KCNN2: variants seen among roughly 807,000 people sequenced by gnomAD.
KCNN2 encodes potassium calcium-activated channel subfamily N member 2.
In KCNN2, 24 loss-of-function variants were observed where a neutral mutation model predicts 55.5. The ratio of observed to expected loss-of-function variants is 0.43; its 90% CI spans 0.31 to 0.61. KCNN2 has a LOEUF of 0.61. KCNN2 is among the 20% of genes least tolerant of loss of function. The pLI is 0.08. For missense variants in KCNN2, 754 were observed against 853.6 expected (o/e 0.88, Z 1.45); for synonymous variants, 431 against 336.1 (o/e 1.28, Z -3.09).
chr5:114,449,721 G>T (rs1760568693), intron 3 of KCNN2, among the ~76,000 whole-genome samples: 1 of 152,062 alleles, frequency 6.6e-6, no homozygotes, highest in African/African-American at 2.4e-5. Context: ...ACATTGCCTA[G>T]TTAAAAATAT....
intron 2 of KCNN2, among the ~76,000 whole-genome samples, chr5:114,271,037 G>A (rs1047673451): frequency 6.6e-6 from 1 of 152,120 alleles, no homozygotes; most frequent in Non-Finnish European, 1.5e-5. Flanking sequence ...AAAGAACAAA[G>A]CTTCCACAGC....
chr5:114,427,879 A>G (rs1466423089), intron 3 of KCNN2, among the ~76,000 whole-genome samples: 2 of 152,226 alleles, frequency 1.3e-5, no homozygotes, highest in Admixed American at 6.5e-5. Context: ...TCCATTATAC[A>G]TAAATTGGTA....
chr5:114,391,440 C>G (rs969481064), intron 2 of KCNN2, among the ~76,000 whole-genome samples: 3 of 152,006 alleles, frequency 2.0e-5, no homozygotes, highest in African/African-American at 4.8e-5. Flanking sequence ...TTGCCCCAAA[C>G]CACTCAGCTA....
intron 1 of KCNN2, among the ~76,000 whole-genome samples, chr5:114,095,971 T>C (rs1401369933): frequency 6.6e-6 from 1 of 152,184 alleles, no homozygotes; most frequent in Non-Finnish European, 1.5e-5. Context: ...AAAAACAGGC[T>C]ATGTCATCTA....
chr5:114,241,798 A>G (rs13185457), intron 2 of KCNN2, among the ~76,000 whole-genome samples: 9,847 of 37,006 alleles, frequency 0.27, 3,192 homozygotes, highest in East Asian at 0.71. Flanking sequence ...ATATATGTAT[A>G]TATATACGTA....
At chr5:114,491,867 G>C (rs1463770989) in intron 6 of KCNN2, among the ~76,000 whole-genome samples, 1 of 151,966 alleles carries the variant, frequency 6.6e-6, no homozygotes, top group African/African-American at 2.4e-5. Flanking sequence ...GGGGGTGTAG[G>C]GTGGGGGCAG....
chr5:114,135,354 A>G (rs1034195998), intron 1 of KCNN2, among the ~76,000 whole-genome samples: 2 of 152,184 alleles, frequency 1.3e-5, no homozygotes, highest in South Asian at 2.1e-4. Flanking sequence ...ATAATAAACT[A>G]GGTGTTGCTA....
chr5:114,393,606 T>C (rs932576752), intron 2 of KCNN2, among the ~76,000 whole-genome samples: 1 of 152,110 alleles, frequency 6.6e-6, no homozygotes, highest in Non-Finnish European at 1.5e-5. Flanking sequence ...AAATATTATA[T>C]AATTAAAAGT....
At chr5:114,059,516 C>T (rs1750282671) in intron 1 of KCNN2, among the ~76,000 whole-genome samples, 1 of 152,068 alleles carries the variant, frequency 6.6e-6, no homozygotes, top group South Asian at 2.1e-4. Flanking sequence ...GTTTTTTCCC[C>T]TAGCAAAGTA....
chr5:114,120,623 G>A (rs927175539), intron 1 of KCNN2, among the ~76,000 whole-genome samples: 1 of 152,158 alleles, frequency 6.6e-6, no homozygotes, highest in African/African-American at 2.4e-5. Flanking sequence ...ATGCAAAGGG[G>A]GAGGCCAATT....
At position 114,144,529 on chromosome 5, in the gene KCNN2, A is replaced by T. The variant is rs10478152; in HGVS notation, c.-270-76951A>T. ...TTTTTTGTAGAATATTGTTAATAACATGGAGAGAGGGGAAAGATTCCCAAG... is the reference window on the plus strand; with the variant it reads ...TTTTTTGTAGAATATTGTTAATAACTTGGAGAGAGGGGAAAGATTCCCAAG... On this transcript the variant is annotated intron_variant, in intron 1 of 10. Coordinates refer to the KCNN2 transcript ENST00000512097. Among the ~76,000 whole-genome samples, 264 of 152,222 alleles carry T rather than the reference A, an allele frequency of 1.7e-3. 1 individual carries two copies. The highest frequency in any genetic ancestry group is 6.1e-3 in the African/African-American group (252 of 41,544).
At chr5:114,119,720 C>T (rs1236753022) in intron 1 of KCNN2, among the ~76,000 whole-genome samples, 1 of 152,182 alleles carries the variant, frequency 6.6e-6, no homozygotes, top group Non-Finnish European at 1.5e-5. Flanking sequence ...CCAGAGTCCT[C>T]TCCACCTGCT....
rs1757687955 is a variant in KCNN2, at chr5:114,369,058, C to G, written c.1218+5057C>G. On this transcript the variant is annotated intron_variant, in intron 2 of 7. Coordinates refer to ENST00000673685, the MANE Select transcript of KCNN2 (RefSeq NM_021614.4). The stretch of plus-strand genomic sequence containing the variant: ...AGAGTATATACATATGGTAAATTTT[C>G]AGCAGTGAGACTGCTGAATCAAAGG... Among the ~76,000 whole-genome samples the G allele has an allele frequency of 4.6e-5, 7 of 152,146 alleles. No individual in the cohort carries two copies. In the South Asian group the frequency reaches 1.5e-3, roughly 32 times the overall value.
intron 1 of KCNN2, among the ~76,000 whole-genome samples, chr5:114,160,203 G>T (rs1380103055): frequency 1.3e-5 from 2 of 152,078 alleles, no homozygotes; most frequent in Non-Finnish European, 2.9e-5. Flanking sequence ...GGTATGTTGT[G>T]TCTTTGTTCT....
chr5:114,264,111 G>T (rs1755163240), intron 2 of KCNN2, among the ~76,000 whole-genome samples: 1 of 152,118 alleles, frequency 6.6e-6, no homozygotes, highest in Non-Finnish European at 1.5e-5. Context: ...GCTAAAGATG[G>T]CTTAATGATC....
intron 3 of KCNN2, among the ~76,000 whole-genome samples, chr5:114,461,113 G>A (rs1309828302): frequency 1.3e-5 from 2 of 152,110 alleles, no homozygotes; most frequent in Admixed American, 6.5e-5. Context: ...TGTTACATAC[G>A]CATAGCAGGC....
At chr5:114,446,633 A>G (rs1760420132) in intron 3 of KCNN2, among the ~76,000 whole-genome samples, 1 of 151,908 alleles carries the variant, frequency 6.6e-6, no homozygotes, top group South Asian at 2.1e-4. Flanking sequence ...AATTTTTGTA[A>G]TTTTTTTGGT....
intron 1 of KCNN2, among the ~76,000 whole-genome samples, chr5:114,132,664 C>T (rs937241088): frequency 1.3e-5 from 2 of 151,862 alleles, no homozygotes. Context: ...TTTAATGGAG[C>T]CTAGCAACAT....
intron 2 of KCNN2, among the ~76,000 whole-genome samples, chr5:114,281,056 G>A (rs1005427766): frequency 1.3e-5 from 2 of 152,118 alleles, no homozygotes; most frequent in African/African-American, 4.8e-5. Flanking sequence ...ATTCAGGTCA[G>A]TGCTCAAATA....
Sources: gnomAD v4.1 joint callset for allele counts (sites outside exome capture counted in the v4.1 genomes callset) on GRCh38, gnomAD v4.1.1 for gene constraint, MANE v1.5 for transcripts, NCBI Gene and HGNC (gene_info 2026-07-23, HGNC 2026-07-21) for gene names.